The following CA4 variants were observed in gnomAD, a reference collection of about 807,000 sequenced individuals.
The protein encoded by CA4 is carbonic anhydrase 4.
In CA4, 24 loss-of-function variants were observed where a neutral mutation model predicts 34.5. The ratio of observed to expected loss-of-function variants is 0.70; its 90% CI spans 0.50 to 0.98. The LOEUF is 0.98. Ranked by LOEUF, CA4 falls within the 50% of genes least tolerant of loss-of-function variation. CA4 has a pLI of 0.00. For missense variants in CA4, 394 were observed against 396.7 expected (o/e 0.99, Z 0.06); for synonymous variants, 178 against 170.6 (o/e 1.04, Z -0.34).
At chr17:60,154,220 C>T (rs2083639357) in intron 1 of CA4, among the ~76,000 whole-genome samples, 1 of 139,842 alleles carries the variant, frequency 7.2e-6, no homozygotes, top group African/African-American at 2.6e-5. Flanking sequence ...TGGCCATCTG[C>T]TCCCAAAAGG....
intron 5 of CA4, among the ~76,000 whole-genome samples, chr17:60,169,157 G>A (rs1240224759): frequency 6.6e-6 from 1 of 151,608 alleles, no homozygotes; most frequent in Non-Finnish European, 1.5e-5. Flanking sequence ...TGAGGCAGGA[G>A]AATCTCTTGA....
At chr17:60,175,122 C>T (rs1181595055), downstream of CA4, among the ~76,000 whole-genome samples, 4 of 151,768 alleles carry the variant, frequency 2.6e-5, no homozygotes, top group South Asian at 2.1e-4. Context: ...TGGGTTCGAG[C>T]GATCCTCCCA....
chr17:60,166,194 C>T (rs2083853832), intron 5 of CA4, among the ~76,000 whole-genome samples: 2 of 152,222 alleles, frequency 1.3e-5, no homozygotes, highest in Non-Finnish European at 2.9e-5. Context: ...ATTGGAGGCC[C>T]ATCTGCCTGT....
intron 5 of CA4, among the ~76,000 whole-genome samples, chr17:60,165,137 G>A (rs566988763): frequency 6.6e-6 from 1 of 152,312 alleles, no homozygotes; most frequent in East Asian, 1.9e-4. Context: ...CAGGTGGGGA[G>A]TAGGGAACAC....
chr17:60,151,928 A>C (rs1342897041), intron 1 of CA4, among the ~76,000 whole-genome samples: 1 of 152,036 alleles, frequency 6.6e-6, no homozygotes, highest in Non-Finnish European at 1.5e-5. Flanking sequence ...GGAGCGACTG[A>C]GACTTTGCCC....
At chr17:60,156,528 C>T (rs748847057) in intron 2 of CA4, 32 bp from the exon 3 acceptor site, 21 of 1,613,144 alleles carry the variant, frequency 1.3e-5, no homozygotes, top group East Asian at 8.9e-5. Flanking sequence ...GCCAGGCACC[C>T]GACTCTCAGC....
downstream of CA4, among the ~76,000 whole-genome samples, chr17:60,173,487 C>T (rs1390015925): frequency 3.3e-5 from 5 of 152,216 alleles, no homozygotes; most frequent in African/African-American, 9.6e-5. Context: ...TGAGGCAGTT[C>T]GCTTCCCTTT....
intron 5 of CA4, 29 bp from the exon 6 acceptor site, chr17:60,158,031 CT>C: frequency 6.2e-7 from 1 of 1,612,608 alleles, no homozygotes; most frequent in Non-Finnish European, 8.5e-7. Context: ...TCCCTGCAGA[CT>C]TTCTCAAGAC....
intron 5 of CA4, among the ~76,000 whole-genome samples, chr17:60,169,282 GC>G: frequency 2.0e-5 from 3 of 151,000 alleles, no homozygotes; most frequent in African/African-American, 7.4e-5. Flanking sequence ...AGCAGCAGCA[GC>G]AGCAACAGCA....
intron 2 of CA4, among the ~76,000 whole-genome samples, chr17:60,156,188 C>T (rs1170712864): frequency 2.0e-5 from 3 of 152,204 alleles, no homozygotes; most frequent in African/African-American, 4.8e-5. Context: ...CCCAGGGAAG[C>T]GGATTATCTC....
chr17:60,172,839 C>G (rs7216271), downstream of CA4, among the ~76,000 whole-genome samples: 1 of 149,440 alleles, frequency 6.7e-6, no homozygotes, highest in Non-Finnish European at 1.5e-5. Context: ...AGTGAAACTC[C>G]GTCTCAAAAA....
chr17:60,176,198 C>G, the CA4 span, among the ~76,000 whole-genome samples: 2 of 152,008 alleles, frequency 1.3e-5, no homozygotes, highest in Non-Finnish European at 2.9e-5. Context: ...ATCAGAATAG[C>G]AAGGAGGTAA....
chr17:60,164,283 C>CCCTT (rs1555573466), downstream of CA4, among the ~76,000 whole-genome samples: 1 of 148,984 alleles, frequency 6.7e-6, no homozygotes, highest in Non-Finnish European at 1.5e-5. Flanking sequence ...CTCCCTCCCT[C>CCCTT]CTTTCTTTCT....
In CA4 at chr17:60,157,478, C is replaced by T. The variant is rs774516904; in HGVS notation, c.320C>T (p.Ala107Val). 2.2e-5 allele frequency: 36 copies of T among 1,613,974 alleles called. No individual in the cohort carries two copies. The highest frequency in any genetic ancestry group is 1.7e-4 in the Admixed American group (10 of 59,998). The change falls in exon 4 of 8, where the codon GCC becomes GTC. Residue 107 changes from alanine (A) to valine (V), a missense_variant. Coordinates refer to ENST00000300900, the MANE Select transcript of CA4 (RefSeq NM_000717.5). ...AGCATTTCTGGAGGAGGACTGCCTG[C>T]CCCATACCAGGCCAAACAGTTGCAC... ...KASISGGGLPAPYQAKQLHLH... is the reference protein window; with the variant it reads ...KASISGGGLPVPYQAKQLHLH...
In CA4 at chr17:60,156,688, T is replaced by C; in HGVS notation, c.241T>C (p.Trp81Arg). The change falls in exon 3 of 8, where the codon TGG (tryptophan) becomes CGG (arginine). Residue 81 changes from tryptophan to arginine, a missense_variant. Physicochemically the swap from Trp to Arg is moderately radical, Grantham distance 101. Coordinates refer to ENST00000300900, the MANE Select transcript of CA4 (RefSeq NM_000717.5). ...FFSGYDKKQT[W>R]TVQNNGHSVM... Reference sequence around the variant, plus strand: ...CTCTGGCTACGATAAGAAGCAAACGTGGACTGTCCAAAATAACGGGCACTC... The same window carrying C: ...CTCTGGCTACGATAAGAAGCAAACGCGGACTGTCCAAAATAACGGGCACTC... 1 of 1,614,152 alleles carries C rather than the reference T, an allele frequency of 6.2e-7. No homozygotes were observed. Among genetic ancestry groups the C allele is most frequent in the South Asian group, 1.1e-5 (1 of 91,082 alleles).
At chr17:60,160,934 G>A (rs1439511743), downstream of CA4, among the ~76,000 whole-genome samples, 1 of 151,358 alleles carries the variant, frequency 6.6e-6, no homozygotes, top group Non-Finnish European at 1.5e-5. Context: ...AGGAAGCAGG[G>A]GGAGGGGAGG....
chr17:60,165,362 T>C (rs2083844544), intron 5 of CA4, among the ~76,000 whole-genome samples: 1 of 152,132 alleles, frequency 6.6e-6, no homozygotes, highest in African/African-American at 2.4e-5. Context: ...CCTAGAATTG[T>C]CTAAGGTCAC....
rs149742183 is a variant in CA4, at chr17:60,157,078, G to T, written c.269-349G>T. 7.6e-4 allele frequency: 393 copies of T among 517,502 alleles called. 3 individuals are homozygous for T. Among genetic ancestry groups the T allele is most frequent in the African/African-American group, 6.7e-3 (351 of 52,228 alleles). The allele number at this position is 517,502 out of a possible 1,614,324, so 32.1% of individuals were successfully genotyped here. On this transcript the variant is annotated intron_variant, in intron 3 of 7. Coordinates refer to ENST00000300900, the MANE Select transcript of CA4 (RefSeq NM_000717.5). ...GCAAGGCCCAGGGGCAGCTGGGCTG[G>T]GGCCCAAGGGCAGATCACCCAGGCC...
intron 3 of CA4, chr17:60,156,964 C>T (rs539126803): frequency 2.1e-5 from 12 of 581,518 alleles, no homozygotes; most frequent in African/African-American, 5.6e-5. Flanking sequence ...TGCAAAGGCG[C>T]GGAGGCATGG....
Sources: gnomAD v4.1 joint callset for allele counts (sites outside exome capture counted in the v4.1 genomes callset) on GRCh38, gnomAD v4.1.1 for gene constraint, MANE v1.5 for transcripts, NCBI Gene and HGNC (gene_info 2026-07-23, HGNC 2026-07-21) for gene names.